Variants in DAPL1 observed in about 807,000 individuals in gnomAD.
The protein encoded by DAPL1 is death associated protein like 1, also known as death-associated protein-like 1.
A neutral mutation model predicts 12.9 loss-of-function variants in DAPL1; 17 were observed. The ratio of observed to expected loss-of-function variants is 1.32; its 90% CI spans 0.90 to 1.98. DAPL1 has a LOEUF of 1.98. DAPL1 is among the 30% of genes most tolerant of loss of function. The probability of loss-of-function intolerance (pLI) is 0.00; values close to 1 mark genes in which losing one functional copy is unlikely to be tolerated. For missense variants in DAPL1, 157 were observed against 125.7 expected (o/e 1.25, Z -1.19); for synonymous variants, 51 against 42.0 (o/e 1.21, Z -0.82).
intron 3 of DAPL1, among the ~76,000 whole-genome samples, chr2:158,811,386 T>C (rs887256596): frequency 4.6e-5 from 7 of 152,184 alleles, no homozygotes; most frequent in Non-Finnish European, 1.0e-4. Context: ...ATATTCGAGT[T>C]GGAAGTTAAC....
intron 3 of DAPL1, 41 bp from the exon 4 acceptor site, chr2:158,815,664 A>G: frequency 8.3e-7 from 1 of 1,206,046 alleles, no homozygotes; most frequent in Admixed American, 1.7e-5. Context: ...ATGACCAAGA[A>G]GATCCAATAT....
In DAPL1 at chr2:158,802,346, T is replaced by C. The variant is rs150416723; in HGVS notation, c.59-1936T>C. Among the ~76,000 whole-genome samples, 346 of 152,334 alleles carry C rather than the reference T, an allele frequency of 2.3e-3. 1 individual carries two copies. The highest frequency in any genetic ancestry group is 2.4e-3 in the Non-Finnish European group (163 of 68,028). On this transcript the variant is annotated intron_variant, in intron 1 of 3. Coordinates refer to ENST00000309950, the MANE Select transcript of DAPL1 (RefSeq NM_001017920.3). ...AGAACCTAAAAGAGCCAGAGTGACA[T>C]CATTTGAAAATCACCTCCATCTTAG...
At chr2:158,806,361 G>T (rs1413057084) in intron 2 of DAPL1, among the ~76,000 whole-genome samples, 1 of 152,102 alleles carries the variant, frequency 6.6e-6, no homozygotes, top group Non-Finnish European at 1.5e-5. Flanking sequence ...AAGAGTACAA[G>T]CTGTAGACGG....
chr2:158,814,697 C>A (rs1011862182), intron 3 of DAPL1, among the ~76,000 whole-genome samples: 1 of 152,200 alleles, frequency 6.6e-6, no homozygotes, highest in African/African-American at 2.4e-5. Flanking sequence ...AGAGCCCAAA[C>A]AAACCATGAA....
At chr2:158,813,755 C>T (rs1169235837) in intron 3 of DAPL1, among the ~76,000 whole-genome samples, 1 of 152,088 alleles carries the variant, frequency 6.6e-6, no homozygotes, top group Non-Finnish European at 1.5e-5. Flanking sequence ...TGGGGTTTCA[C>T]CGTGTTAGCC....
At chr2:158,814,293 A>G (rs1332061747) in intron 3 of DAPL1, among the ~76,000 whole-genome samples, 2 of 152,234 alleles carry the variant, frequency 1.3e-5, no homozygotes, top group Admixed American at 6.5e-5. Flanking sequence ...ACCTGACAAA[A>G]AAAAAAGTCA....
intron 3 of DAPL1, among the ~76,000 whole-genome samples, chr2:158,812,022 T>C (rs1022266943): frequency 6.6e-6 from 1 of 152,220 alleles, no homozygotes; most frequent in African/African-American, 2.4e-5. Context: ...AGATCCTTTA[T>C]AGACTCTCCA....
intron 1 of DAPL1, among the ~76,000 whole-genome samples, chr2:158,799,933 G>A (rs902862579): frequency 8.6e-5 from 13 of 151,764 alleles, no homozygotes; most frequent in Admixed American, 3.3e-4. Flanking sequence ...GTGTGGTGGC[G>A]GGCACCTGTA....
chr2:158,805,304 C>T (rs896866416), intron 2 of DAPL1, among the ~76,000 whole-genome samples: 4 of 152,182 alleles, frequency 2.6e-5, no homozygotes, highest in African/African-American at 9.7e-5. Flanking sequence ...GAATGAAATA[C>T]TGATTCGCTC....
chr2:158,815,590 T>C, intron 3 of DAPL1, 115 bp from the exon 4 acceptor site: 2 of 758,300 alleles, frequency 2.6e-6, no homozygotes, highest in South Asian at 3.2e-5. Flanking sequence ...TATTATCAAA[T>C]AAATAAACAA....
intron 1 of DAPL1, among the ~76,000 whole-genome samples, chr2:158,797,642 A>G (rs2059141788): frequency 6.6e-6 from 1 of 152,052 alleles, no homozygotes; most frequent in Non-Finnish European, 1.5e-5. Context: ...AAATACAAAA[A>G]TTAGCCGGGC....
chr2:158,814,716 T>C (rs1033041496), intron 3 of DAPL1, among the ~76,000 whole-genome samples: 6 of 152,216 alleles, frequency 3.9e-5, no homozygotes, highest in Non-Finnish European at 5.9e-5. Flanking sequence ...AACAGTATGA[T>C]GGCTAGGGTC....
chr2:158,808,863 G>A (rs570835980), intron 3 of DAPL1, among the ~76,000 whole-genome samples: 1 of 152,172 alleles, frequency 6.6e-6, no homozygotes, highest in Non-Finnish European at 1.5e-5. Flanking sequence ...GGTCAATAAA[G>A]GTTGGTCATG....
intron 1 of DAPL1, among the ~76,000 whole-genome samples, chr2:158,797,401 A>T (rs1031934987): frequency 6.6e-6 from 1 of 152,184 alleles, no homozygotes; most frequent in Non-Finnish European, 1.5e-5. Context: ...ATTTCAAGAC[A>T]TCCTGATGCT....
chr2:158,807,802 C>T (rs1043300928), intron 3 of DAPL1: 2 of 152,278 alleles, frequency 1.3e-5, no homozygotes, highest in Non-Finnish European at 2.9e-5. Flanking sequence ...CATGTACCAC[C>T]ACCCCCAGTT....
chr2:158,805,222 T>C (rs921039540), intron 2 of DAPL1, among the ~76,000 whole-genome samples: 20 of 152,234 alleles, frequency 1.3e-4, no homozygotes, highest in Non-Finnish European at 2.2e-4. Flanking sequence ...AAATTATTTT[T>C]AAATCACTTT....
At chr2:158,800,303 C>T (rs11680733) in intron 1 of DAPL1, among the ~76,000 whole-genome samples, 13,005 of 152,076 alleles carry the variant, frequency 0.086, 737 homozygotes, top group South Asian at 0.17. Flanking sequence ...ACAAAAAACT[C>T]GTTATTGTAT....
In DAPL1 at chr2:158,815,674, T is replaced by C. The variant is rs750911241; in HGVS notation, c.208-31T>C. On this transcript the variant is annotated intron_variant, in intron 3 of 3. Coordinates refer to ENST00000309950, the MANE Select transcript of DAPL1 (RefSeq NM_001017920.3). ...ATTTCATGACCAAGAAGATCCAATA[T>C]GCCTATTTTTTCTTCCCTTCTCACC... The C allele has an allele frequency of 4.6e-6, 6 of 1,304,934 alleles. No individual in the cohort carries two copies. The African/African-American group carries it at 8.7e-5, about 19-fold the overall frequency. The allele number at this position is 1,304,934 out of a possible 1,614,324, so 80.8% of individuals were successfully genotyped here.
At chr2:158,799,989 G>A (rs542676162) in intron 1 of DAPL1, among the ~76,000 whole-genome samples, 51 of 151,636 alleles carry the variant, frequency 3.4e-4, no homozygotes, top group African/African-American at 1.2e-3. Context: ...ACTTGAACTC[G>A]GGAGGCAGAG....
Sources: allele counts gnomAD v4.1 joint callset (sites outside exome capture counted in the v4.1 genomes callset), GRCh38; gene constraint gnomAD v4.1.1; transcripts MANE v1.5; gene names NCBI Gene and HGNC (gene_info 2026-07-23, HGNC 2026-07-21).